SYN3: variants seen among roughly 807,000 people sequenced by gnomAD.
SYN3 encodes synapsin-3.
SYN3 carries 35 observed loss-of-function variants against 65.8 expected under a neutral mutation model. The observed-to-expected ratio is 0.53, with a 90% CI of 0.41 to 0.70. SYN3 has a LOEUF of 0.70. SYN3 is among the 30% of genes least tolerant of loss of function. The pLI, the probability that SYN3 is intolerant of heterozygous loss-of-function variation, is 0.00. For synonymous variants in SYN3, 270 were observed against 292.9 expected (o/e 0.92, Z 0.80); for missense variants, 680 against 749.0 (o/e 0.91, Z 1.08).
At chr22:32,961,326 T>C (rs181937680) in intron 3 of SYN3, among the ~76,000 whole-genome samples, 1 of 152,210 alleles carries the variant, frequency 6.6e-6, no homozygotes, top group East Asian at 1.9e-4. Context: ...AGCATCTCTC[T>C]CTCTCTCTCT....
At chr22:33,048,277 T>G (rs1054917210) in intron 1 of SYN3, among the ~76,000 whole-genome samples, 1 of 152,030 alleles carries the variant, frequency 6.6e-6, no homozygotes, top group African/African-American at 2.4e-5. Context: ...AAAAAAAAAC[T>G]ATTAACGTGA....
At chr22:32,703,577 C>A (rs1309283289) in intron 6 of SYN3, among the ~76,000 whole-genome samples, 1 of 150,848 alleles carries the variant, frequency 6.6e-6, no homozygotes, top group Non-Finnish European at 1.5e-5. Context: ...GCGGAGCTTG[C>A]AGTGAGCCAA....
At chr22:32,984,478 A>G (rs1367097956) in intron 2 of SYN3, among the ~76,000 whole-genome samples, 1 of 152,018 alleles carries the variant, frequency 6.6e-6, no homozygotes, top group East Asian at 1.9e-4. Context: ...CCCTCCCCAA[A>G]TGGTTGTCCT....
chr22:33,008,435 T>A (rs2053253924), intron 1 of SYN3, among the ~76,000 whole-genome samples: 1 of 152,228 alleles, frequency 6.6e-6, no homozygotes, highest in Non-Finnish European at 1.5e-5. Flanking sequence ...TCACCGTTTA[T>A]TAATTTTACC....
chr22:32,662,897 T>G (rs1601866305), intron 6 of SYN3, among the ~76,000 whole-genome samples: 1 of 152,346 alleles, frequency 6.6e-6, no homozygotes, highest in Middle Eastern at 3.4e-3. Flanking sequence ...ATCCCCATTT[T>G]ACAGATGAGG....
At chr22:32,952,754 CAAATAAAT>C (rs529182412) in intron 3 of SYN3, among the ~76,000 whole-genome samples, 11 of 151,976 alleles carry the variant, frequency 7.2e-5, no homozygotes, top group Non-Finnish European at 1.5e-4. Context: ...AACCCTATCT[CAAATAAAT>C]AAATAAATAA....
chr22:32,776,849 T>G (rs558730165), intron 6 of SYN3, among the ~76,000 whole-genome samples: 1 of 152,184 alleles, frequency 6.6e-6, no homozygotes, highest in Non-Finnish European at 1.5e-5. Context: ...AAGGCTACCC[T>G]GGTCATCACT....
intron 6 of SYN3, among the ~76,000 whole-genome samples, chr22:32,777,793 ACT>A (rs764249860): frequency 2.6e-4 from 39 of 152,120 alleles, no homozygotes; most frequent in Admixed American, 9.2e-4. Context: ...CTTTGAATTA[ACT>A]CTTTTTTTTG....
At chr22:33,034,078 C>T (rs370990324) in intron 1 of SYN3, among the ~76,000 whole-genome samples, 6 of 151,132 alleles carry the variant, frequency 4.0e-5, no homozygotes, top group South Asian at 2.1e-4. Flanking sequence ...CCCAGCTACT[C>T]GGGAGGCTGA....
At chr22:32,587,222 CAAAA>C (rs11341864) in intron 7 of SYN3, among the ~76,000 whole-genome samples, 1 of 86,428 alleles carries the variant, frequency 1.2e-5, no homozygotes, top group Non-Finnish European at 2.4e-5. Context: ...GCTCTTATCT[CAAAA>C]AAAAAAAAAA....
chr22:33,012,995 G>A (rs73410648), intron 1 of SYN3, among the ~76,000 whole-genome samples: 1 of 152,118 alleles, frequency 6.6e-6, no homozygotes, highest in Non-Finnish European at 1.5e-5. Context: ...TCTGTGAGAG[G>A]TTTAGTTCAA....
chr22:32,993,285 A>G (rs2052776871), intron 2 of SYN3, among the ~76,000 whole-genome samples: 1 of 151,974 alleles, frequency 6.6e-6, no homozygotes, highest in African/African-American at 2.4e-5. Context: ...TCTTTCTGAC[A>G]CTCAGGTCTC....
chr22:32,996,511 G>C lies in SYN3; in HGVS notation c.311+9841C>G, dbSNP rs115948733. Among the ~76,000 whole-genome samples the C allele has an allele frequency of 5.4e-3, 827 of 152,210 alleles. 9 individuals are homozygous for C. Among genetic ancestry groups the C allele is most frequent in the African/African-American group, 0.019 (799 of 41,526 alleles). ...ACAGTATCTTGGCCAAGACCACAGAGACAGTGAGTGGCTGGGACTTCAAGC... is the reference window on the plus strand; with the variant it reads ...ACAGTATCTTGGCCAAGACCACAGACACAGTGAGTGGCTGGGACTTCAAGC... On this transcript the variant is annotated intron_variant, in intron 2 of 13. Transcript: ENST00000358763.
chr22:32,610,007 G>T (rs765332186), intron 6 of SYN3, among the ~76,000 whole-genome samples: 1 of 152,118 alleles, frequency 6.6e-6, no homozygotes, highest in Non-Finnish European at 1.5e-5. Context: ...TTCAGACCAG[G>T]TGTGGTGGCT....
intron 6 of SYN3, among the ~76,000 whole-genome samples, chr22:32,710,111 A>ATATGTGTGTG (rs71320949): frequency 2.2e-5 from 3 of 135,218 alleles, no homozygotes; most frequent in Non-Finnish European, 3.2e-5. Context: ...GTGTGTGTGT[A>ATATGTGTGTG]TGTGTGTGTG....
At chr22:32,816,177 G>C (rs966816558) in intron 6 of SYN3, among the ~76,000 whole-genome samples, 1 of 152,112 alleles carries the variant, frequency 6.6e-6, no homozygotes, top group African/African-American at 2.4e-5. Flanking sequence ...CAGTGTACCA[G>C]GTTGGAAAGT....
chr22:32,949,307 G>A (rs969822828), intron 3 of SYN3, among the ~76,000 whole-genome samples: 11 of 151,942 alleles, frequency 7.2e-5, no homozygotes, highest in African/African-American at 2.7e-4. Context: ...ACCAGCGGGG[G>A]GCGGGGGTGC....
intron 6 of SYN3, among the ~76,000 whole-genome samples, chr22:32,810,391 A>C (rs894368955): frequency 8.5e-5 from 13 of 152,266 alleles, no homozygotes; most frequent in African/African-American, 2.9e-4. Context: ...ACAAGAAACT[A>C]TAAGTGTTTC....
chr22:32,668,983 A>C (rs1436215046), intron 6 of SYN3, among the ~76,000 whole-genome samples: 1 of 152,220 alleles, frequency 6.6e-6, no homozygotes, highest in Non-Finnish European at 1.5e-5. Context: ...CATTGAATAA[A>C]AACAGTTGAC....
Sources: allele counts gnomAD v4.1 joint callset (sites outside exome capture counted in the v4.1 genomes callset), GRCh38; gene constraint gnomAD v4.1.1; transcripts MANE v1.5; gene names NCBI Gene and HGNC (gene_info 2026-07-23, HGNC 2026-07-21).